The following MAP7 variants were observed in gnomAD, a reference collection of about 807,000 sequenced individuals.
MAP7 encodes the protein ensconsin.
MAP7 carries 52 observed loss-of-function variants against 94.8 expected under a neutral mutation model. The ratio of observed to expected loss-of-function variants is 0.55; its 90% CI spans 0.44 to 0.69. The LOEUF is 0.69. MAP7 is among the 30% of genes least tolerant of loss of function. The pLI is 0.00. For missense variants in MAP7, 940 were observed against 964.6 expected, an observed-to-expected ratio of 0.97 and a Z score of 0.34; for synonymous variants, 350 against 357.0, an observed-to-expected ratio of 0.98 and a Z score of 0.22.
chr6:136,440,562 C>A (rs1374849234), intron 1 of MAP7, among the ~76,000 whole-genome samples: 1 of 152,164 alleles, frequency 6.6e-6, no homozygotes, highest in Non-Finnish European at 1.5e-5. Flanking sequence ...TGAAAAATTG[C>A]ATCTTTACTC....
intron 1 of MAP7, chr6:136,525,932 C>G: frequency 6.5e-7 from 1 of 1,533,764 alleles, no homozygotes; most frequent in Non-Finnish European, 8.7e-7. Flanking sequence ...TCTTCAGTCT[C>G]TCATGTCGGA....
intron 3 of MAP7, among the ~76,000 whole-genome samples, chr6:136,391,244 C>A (rs1031586910): frequency 6.6e-6 from 1 of 151,104 alleles, no homozygotes; most frequent in African/African-American, 2.4e-5. Flanking sequence ...AGTTCATATC[C>A]TTTGTAGGGA....
At chr6:136,527,344 T>TTTTTGC (rs1375442236) in intron 1 of MAP7, among the ~76,000 whole-genome samples, 1 of 152,190 alleles carries the variant, frequency 6.6e-6, no homozygotes, top group Non-Finnish European at 1.5e-5. Flanking sequence ...AAAAACATTT[T>TTTTTGC]TTTTGCTTTT....
At chr6:136,433,858 T>G (rs1029857894) in intron 1 of MAP7, among the ~76,000 whole-genome samples, 1 of 152,152 alleles carries the variant, frequency 6.6e-6, no homozygotes, top group Admixed American at 6.5e-5. Context: ...AAAGCCAGAA[T>G]CAGGAAGCTG....
chr6:136,432,374 C>T (rs999077878), intron 1 of MAP7, among the ~76,000 whole-genome samples: 3 of 151,986 alleles, frequency 2.0e-5, no homozygotes, highest in African/African-American at 4.8e-5. Flanking sequence ...GGTCCTGGTT[C>T]GTTATATTAA....
chr6:136,431,903 G>A (rs908950667), intron 1 of MAP7, among the ~76,000 whole-genome samples: 1 of 152,174 alleles, frequency 6.6e-6, no homozygotes, highest in Non-Finnish European at 1.5e-5. Context: ...GTTAGGTGTG[G>A]TTTGTGGGAA....
intron 1 of MAP7, among the ~76,000 whole-genome samples, chr6:136,544,767 A>C (rs1356287038): frequency 2.6e-5 from 4 of 152,162 alleles, no homozygotes; most frequent in Non-Finnish European, 5.9e-5. Flanking sequence ...TTTCATGTCT[A>C]AAGCAGAGAG....
At chr6:136,530,114 T>C (rs1828357104) in intron 1 of MAP7, among the ~76,000 whole-genome samples, 1 of 152,218 alleles carries the variant, frequency 6.6e-6, no homozygotes, top group Admixed American at 6.5e-5. Context: ...CCAAGAAATC[T>C]GCTTAACCAG....
At chr6:136,524,862 AT>A (rs1260122368) in intron 1 of MAP7, among the ~76,000 whole-genome samples, 2 of 152,228 alleles carry the variant, frequency 1.3e-5, no homozygotes, top group African/African-American at 4.8e-5. Context: ...AGAAAATTTG[AT>A]ACCTCAGTGA....
At chr6:136,382,781 T>C (rs1186409641) in intron 6 of MAP7, among the ~76,000 whole-genome samples, 5 of 152,162 alleles carry the variant, frequency 3.3e-5, no homozygotes, top group African/African-American at 1.2e-4. Context: ...TTACATTTTT[T>C]AAAGATTATA....
intron 1 of MAP7, among the ~76,000 whole-genome samples, chr6:136,456,657 G>A (rs1181285562): frequency 1.4e-5 from 2 of 141,702 alleles, no homozygotes; most frequent in African/African-American, 5.3e-5. Context: ...GGGCAACAGA[G>A]TGATACCCTG....
intron 7 of MAP7, among the ~76,000 whole-genome samples, chr6:136,377,337 T>G (rs1249060645): frequency 6.6e-6 from 1 of 152,238 alleles, no homozygotes; most frequent in African/African-American, 2.4e-5. Context: ...CACAGCCACA[T>G]TATGAAACTA....
chr6:136,427,336 G>T (rs758052119), intron 1 of MAP7, among the ~76,000 whole-genome samples: 1 of 152,236 alleles, frequency 6.6e-6, no homozygotes, highest in Non-Finnish European at 1.5e-5. Flanking sequence ...TTTGCAGGGA[G>T]TGAAGAAGAT....
intron 3 of MAP7, among the ~76,000 whole-genome samples, chr6:136,390,966 TGG>T (rs1780531552): frequency 6.6e-6 from 1 of 152,204 alleles, no homozygotes; most frequent in Non-Finnish European, 1.5e-5. Flanking sequence ...CATGTTCATT[TGG>T]ATTTTAGCTT....
chr6:136,442,533 C>T (rs574696289), intron 1 of MAP7, among the ~76,000 whole-genome samples: 145 of 152,156 alleles, frequency 9.5e-4, no homozygotes, highest in Non-Finnish European at 1.5e-3. Flanking sequence ...TTTAACACAG[C>T]GTGGTCCAGG....
At chr6:136,547,736 G>T (rs920258907) in intron 1 of MAP7, among the ~76,000 whole-genome samples, 11 of 152,020 alleles carry the variant, frequency 7.2e-5, no homozygotes, top group Admixed American at 7.2e-4. Context: ...TAAATGTTGG[G>T]TTTATATAAT....
At chr6:136,428,245 G>A (rs1249053493) in intron 1 of MAP7, among the ~76,000 whole-genome samples, 1 of 152,200 alleles carries the variant, frequency 6.6e-6, no homozygotes, top group Non-Finnish European at 1.5e-5. Flanking sequence ...GCTGGGCGTG[G>A]TGGCTCACAC....
At chr6:136,447,445 C>CT (rs1562410341) in intron 1 of MAP7, among the ~76,000 whole-genome samples, 2 of 151,396 alleles carry the variant, frequency 1.3e-5, no homozygotes, top group South Asian at 4.2e-4. Flanking sequence ...TTTGGTTTAT[C>CT]TTTTTTTCTT....
At chr6:136,358,002 T>C (rs1274256449) in intron 15 of MAP7, among the ~76,000 whole-genome samples, 1 of 152,156 alleles carries the variant, frequency 6.6e-6, no homozygotes, top group Non-Finnish European at 1.5e-5. Context: ...AGAATTCTCT[T>C]TGTAGCACTG....
Sources: allele counts gnomAD v4.1 joint callset (sites outside exome capture counted in the v4.1 genomes callset), GRCh38; gene constraint gnomAD v4.1.1; transcripts MANE v1.5; gene names NCBI Gene and HGNC (gene_info 2026-07-23, HGNC 2026-07-21).